The following KLHL5 variants were observed in gnomAD, a reference collection of about 807,000 sequenced individuals.
The protein encoded by KLHL5 is kelch like family member 5.
In KLHL5, 48 loss-of-function variants were observed where a neutral mutation model predicts 77.7. That is an observed-to-expected ratio of 0.62 (90% confidence interval 0.49 to 0.79). KLHL5 has a LOEUF of 0.79. Among genes scored for constraint, KLHL5 ranks in the 30% least tolerant of loss-of-function variants. The pLI, the probability that KLHL5 is intolerant of heterozygous loss-of-function variation, is 0.00. For synonymous variants in KLHL5, 260 were observed against 297.0 expected, an observed-to-expected ratio of 0.88 and a Z score of 1.28; for missense variants, 723 against 859.7, an observed-to-expected ratio of 0.84 and a Z score of 1.99.
chr4:39,120,893 G>A, intron 10 of KLHL5, 117 bp from the exon 11 acceptor site: 1 of 770,564 alleles, frequency 1.3e-6, no homozygotes, highest in Non-Finnish European at 2.2e-6. Flanking sequence ...TACAGCAGGG[G>A]CCAGGGCAAC....
At chr4:39,097,610 G>A (rs1721179461) in intron 6 of KLHL5, among the ~76,000 whole-genome samples, 1 of 152,158 alleles carries the variant, frequency 6.6e-6, no homozygotes, top group Non-Finnish European at 1.5e-5. Context: ...ACAAATCTAA[G>A]TTGAGAGACA....
At position 39,103,365 on chromosome 4, in the gene KLHL5, A is replaced by G; in HGVS notation, c.1379A>G (p.Gln460Arg). The G allele has an allele frequency of 6.2e-7, 1 of 1,614,186 alleles. No individual in the cohort carries two copies. The highest frequency in any genetic ancestry group is 1.3e-5 in the African/African-American group (1 of 75,062). Reference sequence around the variant, plus strand: ...GCAAATATGAATGGGAGGAGGCTACAGTTCGGTGTTGCAGTGCTAGATGAC... The same window carrying G: ...GCAAATATGAATGGGAGGAGGCTACGGTTCGGTGTTGCAGTGCTAGATGAC... The part of the protein sequence containing the change: ...PVANMNGRRL[Q>R]FGVAVLDDKL... Residue 460 changes from glutamine (Q) to arginine (R), a missense_variant, in exon 7 of 11, where the codon CAG (glutamine) becomes CGG (arginine). Gln to Arg is a conservative substitution (Grantham distance 43). Around this residue, in one of 3 missense-constraint regions of KLHL5, gnomAD observed 288 missense variants for 400.3 expected, o/e 0.72. Transcript: ENST00000504108.
At chr4:39,130,487 G>C (rs886413419), downstream of KLHL5, among the ~76,000 whole-genome samples, 2 of 152,196 alleles carry the variant, frequency 1.3e-5, no homozygotes, top group Non-Finnish European at 2.9e-5. Context: ...GTGCTGCAGA[G>C]ATTTTATTTA....
At chr4:39,085,854 T>G (rs1310669786) in intron 4 of KLHL5, among the ~76,000 whole-genome samples, 1 of 152,092 alleles carries the variant, frequency 6.6e-6, no homozygotes, top group Non-Finnish European at 1.5e-5. Flanking sequence ...GATTAAAAAT[T>G]TAAAAACAGA....
At chr4:39,113,256 A>G in intron 9 of KLHL5, 24 bp downstream of exon 9, 1 of 1,577,410 alleles carries the variant, frequency 6.3e-7, no homozygotes, top group Non-Finnish European at 8.7e-7. Flanking sequence ...AAGAAAAACT[A>G]GGAACAAAAA....
rs1475727303 is a variant in KLHL5 at position 39,069,469 on chromosome 4, T to C, written c.383+6434T>C. On this transcript the variant is annotated intron_variant, in intron 1 of 10. Transcript: ENST00000504108. ...ATATATATATATATATATATATATA[T>C]ATATACACACACACACACACACACA... Among the ~76,000 whole-genome samples, 256 of 66,860 alleles carry C rather than the reference T, an allele frequency of 3.8e-3. 3 individuals are homozygous for C. The highest frequency in any genetic ancestry group is 0.011 in the African/African-American group (231 of 21,460). The allele number at this position is 66,860 out of a possible 152,430, so 43.9% of individuals were successfully genotyped here. A position where few individuals can be genotyped will look rare whatever the true frequency, so the allele number is the denominator to read the frequency against.
intron 2 of KLHL5, among the ~76,000 whole-genome samples, chr4:39,079,823 CATT>C (rs1384525809): frequency 6.6e-6 from 1 of 152,008 alleles, no homozygotes; most frequent in Admixed American, 6.6e-5. Context: ...AGTATTTGTT[CATT>C]AAATGAATGA....
rs1468718415 is a variant in KLHL5 at position 39,081,794 on chromosome 4, A to AT, written c.704-163dup. On this transcript the variant is annotated intron_variant, in intron 3 of 10. Coordinates refer to ENST00000504108, the MANE Select transcript of KLHL5 (RefSeq NM_015990.5). The surrounding 1 kb of genome is among the most constrained non-coding windows in gnomAD (Gnocchi z 4.3). ...TAGTAGATGTCTCAAGGAGCTAATA[A>AT]TTTTTTCCCCATTTAGTCCTTCTTT... is the stretch of plus-strand genomic sequence containing the variant. Among the ~76,000 whole-genome samples, 2 of 152,068 alleles carry AT rather than the reference A, an allele frequency of 1.3e-5. No homozygotes were observed. The highest frequency in any genetic ancestry group is 2.9e-5 in the Non-Finnish European group (2 of 68,002).
the KLHL5 span, among the ~76,000 whole-genome samples, chr4:39,132,617 A>G: frequency 6.6e-6 from 1 of 152,096 alleles, no homozygotes; most frequent in Non-Finnish European, 1.5e-5. Flanking sequence ...CAAAGAAAAA[A>G]AAAAAAGAAA....
At position 39,086,620 on chromosome 4, in the gene KLHL5, A is replaced by G. The variant is rs1219851167; in HGVS notation, c.1006A>G (p.Thr336Ala). Residue 336 changes from threonine (T) to alanine (A), a missense_variant, in exon 5 of 11, where the codon ACA (threonine) becomes GCA (alanine). By Grantham distance (58) the Thr-to-Ala change is moderately conservative. This residue lies in a region of KLHL5 where 288 missense variants were observed against 400.3 expected (regional missense o/e 0.72). Coordinates refer to ENST00000504108, the MANE Select transcript of KLHL5 (RefSeq NM_015990.5). Reference sequence around the variant, plus strand: ...TGACATGAACATTCCTAATGAGGAGACAATATTGAATGCACTTCTTACTTG... The same window carrying G: ...TGACATGAACATTCCTAATGAGGAGGCAATATTGAATGCACTTCTTACTTG... ...SDDMNIPNEE[T>A]ILNALLTWVR... 5 of 1,613,888 alleles carry G rather than the reference A, an allele frequency of 3.1e-6. No homozygotes were observed. The highest frequency in any genetic ancestry group is 4.2e-6 in the Non-Finnish European group (5 of 1,179,850).
At chr4:39,071,593 G>A (rs1178228990) in intron 1 of KLHL5, among the ~76,000 whole-genome samples, 2 of 152,162 alleles carry the variant, frequency 1.3e-5, no homozygotes, top group African/African-American at 4.8e-5. Flanking sequence ...TTCCAGATAT[G>A]GAGCTTGACT....
At position 39,076,065 on chromosome 4, in the gene KLHL5, A is replaced by T; in HGVS notation, c.484A>T (p.Lys162Ter). The T allele has an allele frequency of 1.2e-6, 2 of 1,607,486 alleles. No homozygotes were observed. The highest frequency in any genetic ancestry group is 1.7e-6 in the Non-Finnish European group (2 of 1,178,262). Reference protein sequence around the residue: ...QALNHAEQTFKKMENYLRHKQ... With the variant: ...QALNHAEQTF ...CCTTAATCATGCCGAGCAAACATTT[A>T]AAAAAATGGAAAACTATTTGAGACA... The change falls in exon 2 of 11, where the codon AAA becomes TAA. Residue 162 changes from lysine to a stop codon, truncating the protein, a stop_gained. Coordinates refer to ENST00000504108, the MANE Select transcript of KLHL5 (RefSeq NM_015990.5). LOFTEE classifies it high-confidence loss of function.
intron 4 of KLHL5, among the ~76,000 whole-genome samples, chr4:39,083,671 A>C (rs577951472): frequency 6.6e-6 from 1 of 152,284 alleles, no homozygotes; most frequent in African/African-American, 2.4e-5. Context: ...TTTGAATGAG[A>C]TGAATATAAA....
intron 10 of KLHL5, among the ~76,000 whole-genome samples, chr4:39,116,799 G>A (rs1722870978): frequency 6.6e-6 from 1 of 152,026 alleles, no homozygotes; most frequent in South Asian, 2.1e-4. Context: ...GGGTGACAAA[G>A]TGAGGCGCCA....
At chr4:39,053,990 G>C (rs1399108535) in intron 1 of KLHL5, among the ~76,000 whole-genome samples, 1 of 152,136 alleles carries the variant, frequency 6.6e-6, no homozygotes, top group South Asian at 2.1e-4. Context: ...CTGCAGTTAC[G>C]ATGAACTTAA....
At chr4:39,112,467 G>A (rs1332890123) in intron 8 of KLHL5, among the ~76,000 whole-genome samples, 1 of 152,076 alleles carries the variant, frequency 6.6e-6, no homozygotes, top group Non-Finnish European at 1.5e-5. Context: ...CAATTCTGCT[G>A]CTTACTGGGT....
At position 39,125,348 on chromosome 4, in the gene KLHL5, T is replaced by G. The variant is rs775166332; in HGVS notation, c.*4282T>G. ...AGCAAGTCCACTCCTGGGCATATACTGAAAAGAACTGAAAACAGGTGTTCA... is the reference window on the plus strand; with the variant it reads ...AGCAAGTCCACTCCTGGGCATATACGGAAAAGAACTGAAAACAGGTGTTCA... On this transcript the variant is annotated 3_prime_UTR_variant, in exon 11 of 11. Transcript: ENST00000504108. Among the ~76,000 whole-genome samples, 9 of 152,132 alleles carry G rather than the reference T, an allele frequency of 5.9e-5. No homozygotes were observed. The highest frequency in any genetic ancestry group is 1.2e-4 in the Non-Finnish European group (8 of 68,024).
chr4:39,047,561 C>G (rs577873881), intron 1 of KLHL5, among the ~76,000 whole-genome samples: 1 of 152,162 alleles, frequency 6.6e-6, no homozygotes, highest in African/African-American at 2.4e-5. Flanking sequence ...ATCTAAAAGT[C>G]GGCATTTTAA....
At position 39,081,592 on chromosome 4, in the gene KLHL5, C is replaced by G. The variant is rs1204632132; in HGVS notation, c.703+353C>G. The stretch of plus-strand genomic sequence containing the variant: ...AGGCAGGACGGATGATCGCTTGAGC[C>G]CAGGAGTTCGATGCTGCAGTGAGCC... On this transcript the variant is annotated intron_variant, in intron 3 of 10. Coordinates refer to ENST00000504108, the MANE Select transcript of KLHL5 (RefSeq NM_015990.5). This position sits in a 1 kb window ranked among gnomAD's most constrained non-coding sequence, Gnocchi z 4.3. Among the ~76,000 whole-genome samples the G allele has an allele frequency of 1.3e-5, 2 of 151,816 alleles. No individual in the cohort carries two copies. Among genetic ancestry groups the G allele is most frequent in the Non-Finnish European group, 2.9e-5 (2 of 67,984 alleles).
Sources: allele counts gnomAD v4.1 joint callset (sites outside exome capture counted in the v4.1 genomes callset), GRCh38; gene constraint gnomAD v4.1.1; regional missense constraint gnomAD v4.1.1; non-coding constraint Gnocchi (gnomAD v3.1); transcripts MANE v1.5; gene names NCBI Gene and HGNC (gene_info 2026-07-23, HGNC 2026-07-21).